The following TCF7 variants were observed in gnomAD, a reference collection of about 807,000 sequenced individuals.
TCF7 encodes the protein T-cell-factor-7.
In TCF7, 19 loss-of-function variants were observed where a neutral mutation model predicts 46.8. That is an observed-to-expected ratio of 0.41 (90% CI 0.28 to 0.60). TCF7 has a LOEUF of 0.60. Among genes scored for constraint, TCF7 ranks in the 20% least tolerant of loss-of-function variants. The pLI is 0.35. For synonymous variants in TCF7, 245 were observed against 213.4 expected (o/e 1.15, Z -1.29); for missense variants, 547 against 504.6 (o/e 1.08, Z -0.81).
At chr5:134,112,700 A>T (rs996668429), upstream of TCF7, among the ~76,000 whole-genome samples, 1 of 152,244 alleles carries the variant, frequency 6.6e-6, no homozygotes. Flanking sequence ...TTTAGTAAAG[A>T]AAGGATGTTT....
At chr5:134,142,608 G>C (rs1466566901) in intron 6 of TCF7, 113 bp from the exon 7 acceptor site, 3 of 1,385,364 alleles carry the variant, frequency 2.2e-6, no homozygotes, top group Admixed American at 2.7e-5. Flanking sequence ...ATTCCACTTA[G>C]AAAACTCTGG....
At chr5:134,132,337 A>C (rs1215136093) in intron 3 of TCF7, among the ~76,000 whole-genome samples, 1 of 152,216 alleles carries the variant, frequency 6.6e-6, no homozygotes, top group East Asian at 1.9e-4. Context: ...CTAGGCCTGA[A>C]GCATTTTTTT....
At chr5:134,116,100 C>A (rs1199272976) in intron 3 of TCF7, 67 bp downstream of exon 3, 1 of 1,530,218 alleles carries the variant, frequency 6.5e-7, no homozygotes, top group African/African-American at 1.4e-5. Flanking sequence ...GGTGAGGCAC[C>A]GGCAAGAGAC....
upstream of TCF7, among the ~76,000 whole-genome samples, chr5:134,113,786 A>G (rs1438917377): frequency 6.6e-6 from 1 of 152,234 alleles, no homozygotes; most frequent in Non-Finnish European, 1.5e-5. Flanking sequence ...TTCAGCCTGG[A>G]TCGAGCGAGG....
intron 9 of TCF7, 135 bp from the exon 10 acceptor site, chr5:134,146,089 C>T: frequency 1.9e-6 from 3 of 1,596,034 alleles, no homozygotes; most frequent in South Asian, 1.1e-5. Flanking sequence ...TCTGAGGACA[C>T]TGACTTACCA....
chr5:134,127,711 C>T (rs1476804552), intron 3 of TCF7, among the ~76,000 whole-genome samples: 5 of 152,240 alleles, frequency 3.3e-5, no homozygotes, highest in African/African-American at 9.6e-5. Flanking sequence ...GTTTCTTCTT[C>T]TCTCGCTGCC....
At chr5:134,145,238 G>GC (rs2149361675) in intron 9 of TCF7, 1 of 556,138 alleles carries the variant, frequency 1.8e-6, no homozygotes, top group East Asian at 4.7e-5. Context: ...TGGCCCATGG[G>GC]CTCCCTCACT....
At chr5:134,118,699 T>C in intron 3 of TCF7, among the ~76,000 whole-genome samples, 1 of 152,164 alleles carries the variant, frequency 6.6e-6, no homozygotes, top group East Asian at 1.9e-4. Context: ...CCATGAACAC[T>C]GTCAGGCACC....
upstream of TCF7, among the ~76,000 whole-genome samples, chr5:134,114,116 C>G (rs151307773): frequency 6.6e-6 from 1 of 152,126 alleles, no homozygotes; most frequent in African/African-American, 2.4e-5. Flanking sequence ...AATAAATGTG[C>G]GAAGGGGGGT....
At chr5:134,131,707 C>A (rs902335176) in intron 3 of TCF7, among the ~76,000 whole-genome samples, 2 of 152,246 alleles carry the variant, frequency 1.3e-5, no homozygotes, top group African/African-American at 2.4e-5. Context: ...CATCCAGGAC[C>A]CCCAGGCCAA....
At chr5:134,142,449 T>TGGGG in intron 6 of TCF7, 145 bp downstream of exon 6, 2 of 37,500 alleles carry the variant, frequency 5.3e-5, no homozygotes, top group Non-Finnish European at 5.1e-5. Flanking sequence ...TAGGAGGGGG[T>TGGGG]GGGTGGGATG....
At chr5:134,138,236 A>G in intron 4 of TCF7, 72 bp downstream of exon 4, 1 of 1,394,796 alleles carries the variant, frequency 7.2e-7, no homozygotes. Context: ...TTCTGAGACC[A>G]GGTAGCTGGG....
At chr5:134,142,398 A>C (rs904216980) in intron 6 of TCF7, 94 bp downstream of exon 6, 1 of 1,141,736 alleles carries the variant, frequency 8.8e-7, no homozygotes, top group Non-Finnish European at 1.1e-6. Flanking sequence ...TCCCTGCCTA[A>C]GCTGTTTCGT....
chr5:134,140,351 G>A (rs1483863821), intron 5 of TCF7, among the ~76,000 whole-genome samples: 2 of 152,218 alleles, frequency 1.3e-5, no homozygotes, highest in African/African-American at 4.8e-5. Context: ...GTTAGGGACT[G>A]TAGGAGCCCA....
At chr5:134,109,179 C>T in the TCF7 span, among the ~76,000 whole-genome samples, 29 of 152,326 alleles carry the variant, frequency 1.9e-4, no homozygotes, top group African/African-American at 6.3e-4. Context: ...CTGAGCACCG[C>T]AGGTTGCCAG....
Position 134,138,163 on chromosome 5 carries a change from A to C in TCF7, c.546A>C (p.Gln182His). ...TPAPADISQK[Q>H]VHRPLQTPDL... Reference sequence around the variant, plus strand: ...CACCTGCGGACATCAGCCAGAAGCAAGGTACAAGCCTGGGATGGGGAGGGG... The same window carrying C: ...CACCTGCGGACATCAGCCAGAAGCACGGTACAAGCCTGGGATGGGGAGGGG... Residue 182 changes from glutamine to histidine, a missense_variant and splice_region_variant, in exon 4 of 10, where the codon CAA becomes CAC. Gln to His is a conservative substitution (Grantham distance 24). This residue lies in a region of TCF7 where 425 missense variants were observed against 349.9 expected (regional missense o/e 1.21). Transcript: ENST00000342854. The C allele has an allele frequency of 3.1e-6, 5 of 1,613,370 alleles. No individual in the cohort carries two copies. Among genetic ancestry groups the C allele is most frequent in the Non-Finnish European group, 4.2e-6 (5 of 1,179,586 alleles).
chr5:134,146,028 T>TC, intron 9 of TCF7, 196 bp from the exon 10 acceptor site: 1 of 1,517,820 alleles, frequency 6.6e-7, no homozygotes, highest in Non-Finnish European at 8.7e-7. Context: ...TTGTGGCTGT[T>TC]CTGGGAACTG....
At chr5:134,145,925 G>A in intron 9 of TCF7, 2 of 1,511,246 alleles carry the variant, frequency 1.3e-6, no homozygotes, top group African/African-American at 1.4e-5. Flanking sequence ...GGCCGGGACT[G>A]GGAGATGACT....
At chr5:134,117,356 G>A (rs534075693) in intron 3 of TCF7, among the ~76,000 whole-genome samples, 2 of 152,196 alleles carry the variant, frequency 1.3e-5, no homozygotes, top group South Asian at 2.1e-4. Context: ...ACAAAGATGC[G>A]TTTTGGATCC....
Sources: gnomAD v4.1 joint callset for allele counts (sites outside exome capture counted in the v4.1 genomes callset) on GRCh38, gnomAD v4.1.1 for gene constraint, gnomAD v4.1.1 regional missense constraint, MANE v1.5 for transcripts, NCBI Gene and HGNC (gene_info 2026-07-23, HGNC 2026-07-21) for gene names.